The following GSE1 variants were observed in gnomAD, a reference collection of about 807,000 sequenced individuals.
GSE1 encodes genetic suppressor element 1.
A neutral mutation model predicts 112.6 loss-of-function variants in GSE1; 32 were observed. The ratio of observed to expected loss-of-function variants is 0.28; its 90% CI spans 0.21 to 0.38. GSE1 has a LOEUF of 0.38. GSE1 is among the 10% of genes least tolerant of loss of function. GSE1 has a pLI of 1.00. For missense variants in GSE1, 2,348 were observed against 1,699.2 expected (o/e 1.38, Z -6.71); for synonymous variants, 1,115 against 735.6 (o/e 1.52, Z -8.35).
At chr16:85,583,790 A>C (rs374283183) in intron 1 of GSE1, among the ~76,000 whole-genome samples, 1 of 152,110 alleles carries the variant, frequency 6.6e-6, no homozygotes, top group African/African-American at 2.4e-5. Flanking sequence ...GTGCCACGAG[A>C]AATGAGGCCT....
intron 1 of GSE1, among the ~76,000 whole-genome samples, chr16:85,188,614 C>A (rs115784819): frequency 0.012 from 1,875 of 151,950 alleles, 37 homozygotes; most frequent in African/African-American, 0.039. Context: ...CTAGCCTGGG[C>A]AACATAGCAA....
intron 1 of GSE1, among the ~76,000 whole-genome samples, chr16:85,187,187 T>C (rs1044533793): frequency 6.6e-6 from 1 of 152,346 alleles, no homozygotes; most frequent in African/African-American, 2.4e-5. Context: ...TGCCTGGAGC[T>C]TGGGGCCTAG....
At chr16:85,315,657 A>G (rs2045970141) in intron 1 of GSE1, among the ~76,000 whole-genome samples, 1 of 152,188 alleles carries the variant, frequency 6.6e-6, no homozygotes, top group African/African-American at 2.4e-5. Context: ...AAGGCAAGAG[A>G]GGAGTACGCA....
chr16:85,328,369 G>A (rs1005593495), intron 1 of GSE1, among the ~76,000 whole-genome samples: 1 of 152,194 alleles, frequency 6.6e-6, no homozygotes, highest in Admixed American at 6.5e-5. Context: ...CCTCAGAGGC[G>A]TCGGGGCTGC....
intron 2 of GSE1, among the ~76,000 whole-genome samples, chr16:85,435,324 T>C (rs1282245240): frequency 7.2e-6 from 1 of 138,556 alleles, no homozygotes; most frequent in Admixed American, 7.1e-5. Flanking sequence ...TCCCCCACTG[T>C]GGTAGAAATT....
intron 1 of GSE1, among the ~76,000 whole-genome samples, chr16:85,252,515 A>G (rs941326898): frequency 6.6e-6 from 1 of 152,240 alleles, no homozygotes; most frequent in South Asian, 2.1e-4. Context: ...GCCCATCTGC[A>G]GGCGCCAGCA....
chr16:85,170,213 A>T, exon 1 of GSE1: 1 of 985,056 alleles, frequency 1.0e-6, no homozygotes, highest in African/African-American at 1.7e-5. Context: ...GCCTCGGCGC[A>T]GGGGCGCGCG....
intron 1 of GSE1, among the ~76,000 whole-genome samples, chr16:85,600,686 G>A (rs930210167): frequency 6.6e-6 from 1 of 152,052 alleles, no homozygotes; most frequent in African/African-American, 2.4e-5. Context: ...AGGGGCTGGC[G>A]TAGCATCGCA....
At chr16:85,301,209 C>G (rs1431168722) in intron 1 of GSE1, among the ~76,000 whole-genome samples, 1 of 152,230 alleles carries the variant, frequency 6.6e-6, no homozygotes, top group Non-Finnish European at 1.5e-5. Context: ...GTTAAACCTC[C>G]CAGGTCGAGC....
chr16:85,536,344 C>T (rs1351737812), intron 2 of GSE1, among the ~76,000 whole-genome samples: 1 of 152,180 alleles, frequency 6.6e-6, no homozygotes, highest in Admixed American at 6.5e-5. Context: ...GAGTTGGCTG[C>T]ATGGGGGTGA....
At chr16:85,223,010 C>T (rs1805973847) in intron 1 of GSE1, among the ~76,000 whole-genome samples, 1 of 152,224 alleles carries the variant, frequency 6.6e-6, no homozygotes, top group Non-Finnish European at 1.5e-5. Context: ...TCTTACCGGA[C>T]TGCTTCCCTC....
At chr16:85,580,973 C>G (rs74031854) in intron 1 of GSE1, among the ~76,000 whole-genome samples, 4,337 of 152,310 alleles carry the variant, frequency 0.028, 205 homozygotes, top group African/African-American at 0.098. Context: ...TGTTTGGTAG[C>G]CTGAGCAGAG....
Position 85,479,285 on chromosome 16 carries a change from G to A in GSE1, c.2464+121642G>A, listed in dbSNP as rs1432653553. 1.3e-4 allele frequency among the ~76,000 whole-genome samples: 19 copies of A among 142,932 alleles called. No individual in the cohort carries two copies. The East Asian group carries it at 3.9e-3, about 30-fold the overall frequency. The allele number at this position is 142,932 out of a possible 152,430, so 93.8% of individuals were successfully genotyped here. A position where few individuals can be genotyped will look rare whatever the true frequency, so the allele number is the denominator to read the frequency against. On this transcript the variant is annotated intron_variant, in intron 2 of 2. Transcript: ENST00000637419. ...CTGACCCCGTGATCCACCCACCTCGGCCTCCCAAAGTGCTAGGATTACAGG... is the reference window on the plus strand; with the variant it reads ...CTGACCCCGTGATCCACCCACCTCGACCTCCCAAAGTGCTAGGATTACAGG...
intron 2 of GSE1, among the ~76,000 whole-genome samples, chr16:85,518,999 C>T (rs950139876): frequency 1.3e-5 from 2 of 152,286 alleles, no homozygotes; most frequent in South Asian, 2.1e-4. Flanking sequence ...CCGTCTGCCT[C>T]GGTTCAGATC....
In GSE1 at chr16:85,188,806, T is replaced by TA. The variant is rs11334141; in HGVS notation, c.2283+17013dup. Among the ~76,000 whole-genome samples the TA allele has an allele frequency of 2.1e-3, 292 of 138,676 alleles. 3 individuals are homozygous for TA. In the South Asian group the frequency reaches 0.022, roughly 10 times the overall value. 91.0% of individuals were successfully genotyped at this position (138,676 alleles called of 152,430 possible). A position where few individuals can be genotyped will look rare whatever the true frequency, so the allele number is the denominator to read the frequency against. ...TTAGAGTGGGACCTTATCTCTATCTTAAAAAAAAAAAAAACAAAACAAAAA... is the reference window on the plus strand; with the variant it reads ...TTAGAGTGGGACCTTATCTCTATCTTAAAAAAAAAAAAAAACAAAACAAAAA... On this transcript the variant is annotated intron_variant, in intron 1 of 2. Transcript: ENST00000637419.
chr16:85,432,994 G>A (rs1055192364), intron 2 of GSE1, among the ~76,000 whole-genome samples: 1 of 151,962 alleles, frequency 6.6e-6, no homozygotes, highest in Non-Finnish European at 1.5e-5. Flanking sequence ...GAAGAGCCCC[G>A]TTTTTATCTT....
intron 1 of GSE1, among the ~76,000 whole-genome samples, chr16:85,241,114 G>A (rs1285158234): frequency 6.6e-6 from 1 of 152,208 alleles, no homozygotes; most frequent in African/African-American, 2.4e-5. Flanking sequence ...CTCTGAGACA[G>A]ACCTGAGCTT....
At chr16:85,507,398 G>A (rs1013918349) in intron 2 of GSE1, among the ~76,000 whole-genome samples, 3 of 152,224 alleles carry the variant, frequency 2.0e-5, no homozygotes, top group Non-Finnish European at 2.9e-5. Flanking sequence ...CCTGGGCCGG[G>A]GTGGGGAGGG....
intron 1 of GSE1, among the ~76,000 whole-genome samples, chr16:85,281,244 A>C (rs780167356): frequency 6.6e-6 from 1 of 152,102 alleles, no homozygotes; most frequent in Non-Finnish European, 1.5e-5. Context: ...GGCTTGTCCC[A>C]GGTCCCAATT....
Sources: gnomAD v4.1 joint callset for allele counts (sites outside exome capture counted in the v4.1 genomes callset) on GRCh38, gnomAD v4.1.1 for gene constraint, MANE v1.5 for transcripts, NCBI Gene and HGNC (gene_info 2026-07-23, HGNC 2026-07-21) for gene names.